PRKCE: variants seen among roughly 807,000 people sequenced by gnomAD.
The protein encoded by PRKCE is protein kinase C epsilon type.
Under a neutral mutation model 85.4 loss-of-function variants are expected in PRKCE, and 16 were observed. The observed-to-expected ratio is 0.19, with a 90% CI of 0.13 to 0.28. The LOEUF is 0.28. Among genes scored for constraint, PRKCE ranks in the 10% least tolerant of loss-of-function variants. The pLI, the probability that PRKCE is intolerant of heterozygous loss-of-function variation, is 1.00. For missense variants in PRKCE, 573 were observed against 975.2 expected (o/e 0.59, Z 5.49); for synonymous variants, 388 against 371.5 (o/e 1.04, Z -0.51).
chr2:46,113,947 T>C (rs1672505786), intron 11 of PRKCE, among the ~76,000 whole-genome samples: 1 of 152,228 alleles, frequency 6.6e-6, no homozygotes, highest in Non-Finnish European at 1.5e-5. Context: ...CTATTCAAGA[T>C]ACTGCTAGTT....
At chr2:46,006,161 T>A (rs1282578788) in intron 8 of PRKCE, among the ~76,000 whole-genome samples, 1 of 152,244 alleles carries the variant, frequency 6.6e-6, no homozygotes, top group African/African-American at 2.4e-5. Flanking sequence ...CTGAGCGACA[T>A]TATTACAGAA....
chr2:46,059,420 T>A lies in PRKCE; in HGVS notation c.1438-26788T>A, dbSNP rs148160249. ...TACAGTGGCCTCAGCCCATAAGTCATTACATTAACCAGGGATGATTCTTGT... is the reference window on the plus strand; with the variant it reads ...TACAGTGGCCTCAGCCCATAAGTCAATACATTAACCAGGGATGATTCTTGT... On this transcript the variant is annotated intron_variant, in intron 10 of 14. Coordinates refer to ENST00000306156, the MANE Select transcript of PRKCE (RefSeq NM_005400.3). Among the ~76,000 whole-genome samples, 103 of 152,348 alleles carry A rather than the reference T, an allele frequency of 6.8e-4. No homozygotes were observed. In the East Asian group the frequency reaches 0.015, roughly 22 times the overall value.
intron 2 of PRKCE, among the ~76,000 whole-genome samples, chr2:45,869,613 A>G (rs1373913160): frequency 6.6e-6 from 1 of 151,938 alleles, no homozygotes; most frequent in Non-Finnish European, 1.5e-5. Flanking sequence ...CTAAGGGAGC[A>G]CACCTAGTAA....
chr2:45,977,069 G>A (rs1032134570), intron 3 of PRKCE, among the ~76,000 whole-genome samples: 1 of 151,934 alleles, frequency 6.6e-6, no homozygotes, highest in African/African-American at 2.4e-5. Context: ...GCTAATTTTT[G>A]TATTTTTAGT....
At chr2:45,971,787 A>G (rs192551290) in intron 2 of PRKCE, among the ~76,000 whole-genome samples, 75 of 152,368 alleles carry the variant, frequency 4.9e-4, no homozygotes, top group African/African-American at 1.7e-3. Flanking sequence ...TAGTTGGAAC[A>G]TACCTTTCCG....
intron 2 of PRKCE, among the ~76,000 whole-genome samples, chr2:45,844,903 G>T (rs987360005): frequency 2.6e-5 from 4 of 151,612 alleles, no homozygotes; most frequent in African/African-American, 7.3e-5. Flanking sequence ...TATTGCATGT[G>T]AATAGCCAAA....
At chr2:45,824,216 C>G (rs1201381742) in intron 1 of PRKCE, among the ~76,000 whole-genome samples, 1 of 152,220 alleles carries the variant, frequency 6.6e-6, no homozygotes, top group South Asian at 2.1e-4. Flanking sequence ...GTTGTTAACA[C>G]AATTAGTTCC....
intron 1 of PRKCE, among the ~76,000 whole-genome samples, chr2:45,756,835 G>A (rs536391197): frequency 6.6e-6 from 1 of 152,312 alleles, no homozygotes; most frequent in South Asian, 2.1e-4. Context: ...AGGGGCAGGA[G>A]CAAGAGATTA....
chr2:45,703,308 G>T (rs1678830576), intron 1 of PRKCE, among the ~76,000 whole-genome samples: 1 of 152,056 alleles, frequency 6.6e-6, no homozygotes, highest in African/African-American at 2.4e-5. Context: ...CCTGAGGCAG[G>T]AGGATCACTT....
chr2:45,718,106 A>G (rs192437309), intron 1 of PRKCE, among the ~76,000 whole-genome samples: 1 of 152,178 alleles, frequency 6.6e-6, no homozygotes, highest in Non-Finnish European at 1.5e-5. Context: ...GGGCCGGATA[A>G]CTTTTCATTG....
At chr2:45,694,644 G>A (rs1170775915) in intron 1 of PRKCE, among the ~76,000 whole-genome samples, 1 of 152,250 alleles carries the variant, frequency 6.6e-6, no homozygotes. Flanking sequence ...TAGAGTGGCT[G>A]AGAAAGGTTC....
chr2:45,694,798 G>A (rs765480389), intron 1 of PRKCE, among the ~76,000 whole-genome samples: 7 of 152,192 alleles, frequency 4.6e-5, no homozygotes, highest in Non-Finnish European at 1.0e-4. Context: ...CTACAGGAGA[G>A]TGTATCTGGG....
At chr2:45,862,158 C>G (rs1174576621) in intron 2 of PRKCE, among the ~76,000 whole-genome samples, 1 of 151,502 alleles carries the variant, frequency 6.6e-6, no homozygotes, top group Non-Finnish European at 1.5e-5. Flanking sequence ...TACCCCGCCA[C>G]CCTAGTGTAA....
chr2:45,700,493 A>T (rs1678543482), intron 1 of PRKCE: 1 of 151,928 alleles, frequency 6.6e-6, no homozygotes, highest in African/African-American at 2.4e-5. Context: ...GGAACAGTAG[A>T]AGCAGCCCGG....
rs146400119 is a variant in PRKCE at position 46,173,864 on chromosome 2, T to A, written c.2068-10871T>A. On this transcript the variant is annotated intron_variant, in intron 14 of 14. Transcript: ENST00000306156. ...GGGGAGGAGGTTTGCTGTTAGCTAATACCTGAAGTAGAGTTTTCTTTTTTC... is the reference window on the plus strand; with the variant it reads ...GGGGAGGAGGTTTGCTGTTAGCTAAAACCTGAAGTAGAGTTTTCTTTTTTC... 6.4e-4 allele frequency among the ~76,000 whole-genome samples: 97 copies of A among 152,318 alleles called. 1 individual carries two copies. The highest frequency in any genetic ancestry group is 2.1e-4 in the Non-Finnish European group (14 of 68,022).
chr2:46,035,914 G>A (rs1433467824), intron 10 of PRKCE, among the ~76,000 whole-genome samples: 2 of 152,198 alleles, frequency 1.3e-5, no homozygotes, highest in African/African-American at 2.4e-5. Flanking sequence ...TGGCAGAAAG[G>A]CAATAACGGA....
chr2:45,992,769 C>T (rs1703910944), intron 6 of PRKCE, among the ~76,000 whole-genome samples: 1 of 152,128 alleles, frequency 6.6e-6, no homozygotes, highest in Non-Finnish European at 1.5e-5. Context: ...TCAATCTCAG[C>T]TATAAAAAGG....
At position 45,865,844 on chromosome 2, in the gene PRKCE, T is replaced by A. The variant is rs4516481; in HGVS notation, c.412+22781T>A. On this transcript the variant is annotated intron_variant, in intron 2 of 14. Transcript: ENST00000306156. ...TTTTTTTTTTTTTTTTTGAGACGAG[T>A]TCTCACTCTGTCATCCAGGCAGGAG... is the stretch of plus-strand genomic sequence containing the variant. 5.6e-5 allele frequency among the ~76,000 whole-genome samples: 8 copies of A among 143,408 alleles called. No homozygotes were observed. The South Asian group carries it at 9.3e-4, about 17-fold the overall frequency. The allele number at this position is 143,408 out of a possible 152,430, so 94.1% of individuals were successfully genotyped here. A position where few individuals can be genotyped will look rare whatever the true frequency, so the allele number is the denominator to read the frequency against.
At chr2:46,147,459 C>T (rs199803607) in intron 12 of PRKCE, among the ~76,000 whole-genome samples, 1 of 152,202 alleles carries the variant, frequency 6.6e-6, no homozygotes, top group Non-Finnish European at 1.5e-5. Context: ...TTATAATGAA[C>T]AAAATAGCCA....
Sources: allele counts gnomAD v4.1 joint callset (sites outside exome capture counted in the v4.1 genomes callset), GRCh38; gene constraint gnomAD v4.1.1; transcripts MANE v1.5; gene names NCBI Gene and HGNC (gene_info 2026-07-23, HGNC 2026-07-21).